The following MYO1D variants were observed in gnomAD, a reference collection of about 807,000 sequenced individuals.
MYO1D encodes the protein unconventional myosin-Id.
A neutral mutation model predicts 122.0 loss-of-function variants in MYO1D; 83 were observed. The observed-to-expected ratio is 0.68, with a 90% CI of 0.57 to 0.82. The LOEUF (loss-of-function observed/expected upper bound fraction) is 0.82. MYO1D is among the 40% of genes least tolerant of loss of function. The probability of loss-of-function intolerance (pLI) is 0.00; values close to 1 mark genes in which losing one functional copy is unlikely to be tolerated. For missense variants in MYO1D, 1,157 were observed against 1,269.5 expected, an observed-to-expected ratio of 0.91 and a Z score of 1.35; for synonymous variants, 464 against 446.9, an observed-to-expected ratio of 1.04 and a Z score of -0.48.
intron 21 of MYO1D, among the ~76,000 whole-genome samples, chr17:32,547,206 C>T (rs928789943): frequency 3.3e-5 from 5 of 152,058 alleles, no homozygotes; most frequent in East Asian, 1.9e-4. Context: ...TGTGCCGGCA[C>T]GAGAACTCAT....
At chr17:32,675,342 T>C (rs1161632932) in intron 16 of MYO1D, among the ~76,000 whole-genome samples, 1 of 152,180 alleles carries the variant, frequency 6.6e-6, no homozygotes, top group Non-Finnish European at 1.5e-5. Flanking sequence ...CATAATTAAT[T>C]AATCATGTTA....
rs1456876133 is a variant in MYO1D at position 32,711,990 on chromosome 17, T to C, written c.2119A>G (p.Lys707Glu). 4.3e-6 allele frequency: 7 copies of C among 1,609,842 alleles called. No individual in the cohort carries two copies. In the South Asian group the frequency reaches 7.8e-5, roughly 18 times the overall value. Residue 707 changes from lysine (K) to glutamate (E), a missense_variant and splice_region_variant, in exon 16 of 22, where the codon AAG becomes GAG. Transcript: ENST00000318217. ...TTATATATAAAATATAAAATTACCT[T>C]TTGTAGAAAGAGGACAATCCTTATG... Reference protein sequence around the residue: ...MLIRIVLFLQKVWRGTLARMR... With the variant: ...MLIRIVLFLQEVWRGTLARMR...
At chr17:32,810,345 G>A (rs1391315451) in intron 1 of MYO1D, among the ~76,000 whole-genome samples, 1 of 152,182 alleles carries the variant, frequency 6.6e-6, no homozygotes, top group Non-Finnish European at 1.5e-5. Flanking sequence ...GGTACAGATG[G>A]TTGGGTGTCC....
At chr17:32,841,055 A>T (rs1214764369) in intron 1 of MYO1D, among the ~76,000 whole-genome samples, 1 of 152,202 alleles carries the variant, frequency 6.6e-6, no homozygotes, top group Non-Finnish European at 1.5e-5. Flanking sequence ...GGCTAATGCA[A>T]ATGTTCTAAA....
chr17:32,701,296 C>T (rs1056643740), intron 16 of MYO1D, among the ~76,000 whole-genome samples: 1 of 152,108 alleles, frequency 6.6e-6, no homozygotes, highest in Non-Finnish European at 1.5e-5. Flanking sequence ...CCAACAAATA[C>T]CCCCTTCCAG....
chr17:32,682,736 C>G (rs2088939744), intron 16 of MYO1D, among the ~76,000 whole-genome samples: 1 of 119,562 alleles, frequency 8.4e-6, no homozygotes, highest in Non-Finnish European at 1.7e-5. Context: ...CTTGGAGTTG[C>G]TCTTCTCGAG....
chr17:32,506,229 A>T lies in MYO1D; in HGVS notation c.2865-11314T>A, dbSNP rs184664937. On this transcript the variant is annotated intron_variant, in intron 21 of 21. Coordinates refer to ENST00000318217, the MANE Select transcript of MYO1D (RefSeq NM_015194.3). ...ATGAGGAGCAAATAAACAGGTCACC[A>T]TATAAGCAAACCCAAATACACATTC... is the stretch of plus-strand genomic sequence containing the variant. 5.4e-4 allele frequency among the ~76,000 whole-genome samples: 82 copies of T among 152,358 alleles called. 1 individual carries two copies. Among genetic ancestry groups the T allele is most frequent in the African/African-American group, 1.7e-3 (70 of 41,582 alleles).
At position 32,722,423 on chromosome 17, in the gene MYO1D, T is replaced by C. The variant is rs184005196; in HGVS notation, c.1747-1234A>G. 4.2e-3 allele frequency among the ~76,000 whole-genome samples: 647 copies of C among 152,350 alleles called. 3 individuals are homozygous for C. Among genetic ancestry groups the C allele is most frequent in the Non-Finnish European group, 5.5e-3 (374 of 68,032 alleles). ...GAGCTCCAGAAGAAAACCCATTTTC[T>C]CTTATTTTCCAGCTTCTGGAGGCTG... On this transcript the variant is annotated intron_variant, in intron 14 of 21. Coordinates refer to ENST00000318217, the MANE Select transcript of MYO1D (RefSeq NM_015194.3).
At chr17:32,524,943 T>C (rs1434142883) in intron 21 of MYO1D, among the ~76,000 whole-genome samples, 1 of 152,260 alleles carries the variant, frequency 6.6e-6, no homozygotes, top group Non-Finnish European at 1.5e-5. Context: ...GCTCAAGCAG[T>C]CCTCCTGCAC....
chr17:32,509,722 G>A (rs1232336186), intron 21 of MYO1D, among the ~76,000 whole-genome samples: 1 of 152,112 alleles, frequency 6.6e-6, no homozygotes, highest in Non-Finnish European at 1.5e-5. Flanking sequence ...CTGAGTAGCT[G>A]GGACTATAGG....
At chr17:32,658,513 A>G (rs2088508830) in intron 17 of MYO1D, 1 of 152,312 alleles carries the variant, frequency 6.6e-6, no homozygotes, top group South Asian at 2.1e-4. Context: ...AAAAATAAAG[A>G]CCAGTTGGAA....
intron 21 of MYO1D, among the ~76,000 whole-genome samples, chr17:32,522,897 A>G (rs11655595): frequency 0.28 from 41,713 of 150,592 alleles, 6,697 homozygotes; most frequent in Non-Finnish European, 0.37. Context: ...GCTCACTGCA[A>G]GCTCCGCCTC....
Position 32,494,078 on chromosome 17 carries a change from A to G in MYO1D, c.*681T>C, listed in dbSNP as rs1413942513. 1.3e-5 allele frequency: 2 copies of G among 152,654 alleles called. No individual in the cohort carries two copies. The highest frequency in any genetic ancestry group is 3.9e-4 in the East Asian group (2 of 5,164). 9.5% of individuals were successfully genotyped at this position (152,654 alleles called of 1,614,324 possible). On this transcript the variant is annotated 3_prime_UTR_variant, in exon 22 of 22. Transcript: ENST00000318217. ...GAGCATGCCACACTGTCCTCTCCAG[A>G]GCGGTGGTCAGAGGCCCTGGTGGGG... is the stretch of plus-strand genomic sequence containing the variant.
intron 21 of MYO1D, among the ~76,000 whole-genome samples, chr17:32,573,723 TTA>T (rs1170391501): frequency 6.6e-6 from 1 of 152,140 alleles, no homozygotes; most frequent in Non-Finnish European, 1.5e-5. Flanking sequence ...CAGGGCCTTC[TTA>T]TATTCCCCAG....
intron 1 of MYO1D, among the ~76,000 whole-genome samples, chr17:32,789,845 TG>T (rs1567643627): frequency 1.3e-5 from 2 of 152,270 alleles, no homozygotes; most frequent in African/African-American, 2.4e-5. Context: ...TTGACGGTTT[TG>T]GGGGGTATTG....
chr17:32,820,202 G>C (rs1408953697), intron 1 of MYO1D, among the ~76,000 whole-genome samples: 1 of 152,162 alleles, frequency 6.6e-6, no homozygotes. Flanking sequence ...ATGGAAAACA[G>C]TATGTAGGTT....
At chr17:32,809,839 T>C (rs2090553960) in intron 1 of MYO1D, among the ~76,000 whole-genome samples, 1 of 152,230 alleles carries the variant, frequency 6.6e-6, no homozygotes, top group South Asian at 2.1e-4. Context: ...ATCATCTTAT[T>C]AGAAGGGGTC....
At chr17:32,685,402 G>C (rs1015556641) in intron 16 of MYO1D, among the ~76,000 whole-genome samples, 2 of 152,208 alleles carry the variant, frequency 1.3e-5, no homozygotes, top group African/African-American at 4.8e-5. Flanking sequence ...AAAGCAGCTG[G>C]TGAGCAATCT....
At chr17:32,681,186 TC>T (rs1347368592) in intron 16 of MYO1D, among the ~76,000 whole-genome samples, 1 of 152,010 alleles carries the variant, frequency 6.6e-6, no homozygotes, top group African/African-American at 2.4e-5. Context: ...ATTTTGTTGC[TC>T]TTTTCAAAAA....
Sources: gnomAD v4.1 joint callset for allele counts (sites outside exome capture counted in the v4.1 genomes callset) on GRCh38, gnomAD v4.1.1 for gene constraint, MANE v1.5 for transcripts, NCBI Gene and HGNC (gene_info 2026-07-23, HGNC 2026-07-21) for gene names.